NUP205: variants seen among roughly 807,000 people sequenced by gnomAD.
NUP205 encodes the protein nucleoporin 205.
NUP205 carries 76 observed loss-of-function variants against 253.8 expected under a neutral mutation model. That is an observed-to-expected ratio of 0.30 (90% CI 0.25 to 0.36). The LOEUF is 0.36. Among genes scored for constraint, NUP205 ranks in the 10% least tolerant of loss-of-function variants. The pLI is 1.00. For missense variants in NUP205, 2,162 were observed against 2,425.5 expected, an observed-to-expected ratio of 0.89 and a Z score of 2.28; for synonymous variants, 832 against 850.1, an observed-to-expected ratio of 0.98 and a Z score of 0.37.
At chr7:135,635,699 G>C in intron 36 of NUP205, 42 bp downstream of exon 36, 1 of 1,190,226 alleles carries the variant, frequency 8.4e-7, no homozygotes, top group Non-Finnish European at 1.2e-6. Context: ...TATAAGACAT[G>C]TTACAAAATA....
At chr7:135,623,668 A>G (rs1312526976) in intron 31 of NUP205, among the ~76,000 whole-genome samples, 1 of 152,060 alleles carries the variant, frequency 6.6e-6, no homozygotes, top group Non-Finnish European at 1.5e-5. Flanking sequence ...ACTTCTTCTT[A>G]ATGGAAAATT....
At chr7:135,641,548 T>C (rs1794915045) in intron 38 of NUP205, among the ~76,000 whole-genome samples, 1 of 151,864 alleles carries the variant, frequency 6.6e-6, no homozygotes, top group South Asian at 2.1e-4. Context: ...GGCAGTACGT[T>C]GCTTGAGCCC....
intron 22 of NUP205, among the ~76,000 whole-genome samples, chr7:135,608,573 T>C (rs1794138896): frequency 6.6e-6 from 1 of 151,842 alleles, no homozygotes; most frequent in Non-Finnish European, 1.5e-5. Context: ...CTGGGCGTGG[T>C]GGCACGTGCC....
At chr7:135,570,197 TTTTA>T (rs1402066201) in intron 1 of NUP205, among the ~76,000 whole-genome samples, 4 of 151,952 alleles carry the variant, frequency 2.6e-5, no homozygotes, top group Non-Finnish European at 4.4e-5. Context: ...TCAGGATTTA[TTTTA>T]TTTATTTATT....
rs752649047 is a variant in NUP205, at chr7:135,576,994, C to T, written c.514C>T (p.Arg172Cys). The change falls in exon 5 of 43, where the codon CGC (arginine) becomes TGC (cysteine). Residue 172 changes from arginine (R) to cysteine (C), a missense_variant. By Grantham distance (180) the Arg-to-Cys change is radical (BLOSUM62 -3). Around this residue, in one of 5 missense-constraint regions of NUP205, gnomAD observed 892 missense variants for 957.1 expected, o/e 0.93. Transcript: ENST00000285968. ...LSPELASMTT[R>C]FTDELMEQGL... Reference sequence around the variant, plus strand: ...TCCAGAGCTGGCTTCCATGACAACACGCTTTACAGATGAGCTGATGGAGCA... The same window carrying T: ...TCCAGAGCTGGCTTCCATGACAACATGCTTTACAGATGAGCTGATGGAGCA... 8.2e-5 allele frequency: 133 copies of T among 1,613,688 alleles called. 1 individual carries two copies. In the South Asian group the frequency reaches 1.1e-3, roughly 14 times the overall value.
chr7:135,620,383 A>T (rs1407340290), intron 30 of NUP205, among the ~76,000 whole-genome samples: 2 of 152,188 alleles, frequency 1.3e-5, no homozygotes, highest in Non-Finnish European at 2.9e-5. Flanking sequence ...AAAATCAGAA[A>T]ATTAGCAGCC....
intron 31 of NUP205, among the ~76,000 whole-genome samples, chr7:135,624,704 C>T (rs993182320): frequency 6.6e-6 from 1 of 152,036 alleles, no homozygotes; most frequent in Non-Finnish European, 1.5e-5. Flanking sequence ...AGGCTTGTCT[C>T]GGATTCCTGA....
chr7:135,619,747 A>G (rs746287136), intron 29 of NUP205, 43 bp from the exon 30 acceptor site: 16 of 1,596,354 alleles, frequency 1.0e-5, no homozygotes, highest in Admixed American at 1.8e-5. Context: ...TTTAACTTTA[A>G]TTGAGAAAAG....
chr7:135,561,700 T>C (rs1324164785), intron 1 of NUP205, among the ~76,000 whole-genome samples: 2 of 152,194 alleles, frequency 1.3e-5, no homozygotes, highest in African/African-American at 4.8e-5. Flanking sequence ...TTCCTCTGTC[T>C]TCCTATCTAA....
intron 23 of NUP205, among the ~76,000 whole-genome samples, chr7:135,615,666 A>G (rs1411311273): frequency 1.3e-5 from 2 of 152,264 alleles, no homozygotes; most frequent in East Asian, 3.9e-4. Context: ...AGTAATGAAA[A>G]CTTGATTCTC....
intron 1 of NUP205, among the ~76,000 whole-genome samples, chr7:135,567,130 A>ATG (rs1805792596): frequency 4.1e-4 from 1 of 2,426 alleles, no homozygotes; most frequent in African/African-American, 1.2e-3. Context: ...CTATGTGTGT[A>ATG]TATATATATA....
chr7:135,604,510 A>T (rs760848053), intron 19 of NUP205, 50 bp downstream of exon 19: 4 of 1,552,452 alleles, frequency 2.6e-6, no homozygotes, highest in East Asian at 2.3e-5. Flanking sequence ...TTGCATTTTG[A>T]CTATATATGG....
At chr7:135,559,298 C>T (rs1361120003) in intron 1 of NUP205, among the ~76,000 whole-genome samples, 1 of 152,100 alleles carries the variant, frequency 6.6e-6, no homozygotes, top group East Asian at 1.9e-4. Flanking sequence ...TATTGCGGTC[C>T]TTCCTTCCCA....
intron 33 of NUP205, among the ~76,000 whole-genome samples, chr7:135,627,526 T>G (rs891399900): frequency 1.3e-5 from 2 of 152,320 alleles, no homozygotes; most frequent in African/African-American, 2.4e-5. Context: ...TCTGCAACAC[T>G]GCTGGTACCA....
chr7:135,604,228 C>CT, intron 18 of NUP205, 112 bp from the exon 19 acceptor site: 1 of 812,394 alleles, frequency 1.2e-6, no homozygotes, highest in Non-Finnish European at 1.9e-6. Flanking sequence ...TCTTATTTAC[C>CT]TTGAAGTGCT....
intron 1 of NUP205, among the ~76,000 whole-genome samples, chr7:135,564,051 CTT>C (rs1234186520): frequency 6.6e-6 from 1 of 151,710 alleles, no homozygotes; most frequent in Non-Finnish European, 1.5e-5. Context: ...GAAGATAACT[CTT>C]TGTTGCGGCT....
intron 35 of NUP205, among the ~76,000 whole-genome samples, chr7:135,632,166 G>A (rs1001689872): frequency 2.6e-5 from 4 of 152,164 alleles, no homozygotes; most frequent in African/African-American, 4.8e-5. Context: ...ATGACAGGAC[G>A]GCCGATTATG....
At chr7:135,614,364 C>T (rs1794307574) in intron 23 of NUP205, 91 bp downstream of exon 23, 2 of 720,084 alleles carry the variant, frequency 2.8e-6, no homozygotes, top group East Asian at 2.8e-5. Flanking sequence ...GAATTCTGTT[C>T]TCATTCTGAT....
At chr7:135,605,872 C>G (rs557937326) in intron 19 of NUP205, among the ~76,000 whole-genome samples, 1 of 144,772 alleles carries the variant, frequency 6.9e-6, no homozygotes. Flanking sequence ...TTTTTTTTAA[C>G]TAGCTTGATG....
Sources: gnomAD v4.1 joint callset for allele counts (sites outside exome capture counted in the v4.1 genomes callset) on GRCh38, gnomAD v4.1.1 for gene constraint, gnomAD v4.1.1 regional missense constraint, MANE v1.5 for transcripts, NCBI Gene and HGNC (gene_info 2026-07-23, HGNC 2026-07-21) for gene names.